Variants in LMAN1 observed in about 807,000 individuals in gnomAD.
The protein encoded by LMAN1 is protein ERGIC-53.
LMAN1 carries 32 observed loss-of-function variants against 67.8 expected under a neutral mutation model. The observed-to-expected ratio is 0.47, with a 90% CI of 0.36 to 0.63. LMAN1 has a LOEUF of 0.63. LMAN1 is among the 30% of genes least tolerant of loss of function. The pLI is 0.00. For synonymous variants in LMAN1, 235 were observed against 219.3 expected (o/e 1.07, Z -0.63); for missense variants, 632 against 628.2 (o/e 1.01, Z -0.06).
rs35668306 is a variant in LMAN1 at position 59,354,701 on chromosome 18, TG to T, written c.478-122del. Reference sequence around the variant, plus strand: ...TAGGACTCAAAATTTTAAAATAACCTGGCCTTGGCACTCAAGGAATTACTAA... The same window carrying T: ...TAGGACTCAAAATTTTAAAATAACCTGCCTTGGCACTCAAGGAATTACTAA... On this transcript the variant is annotated intron_variant, in intron 3 of 12. Coordinates refer to ENST00000251047, the MANE Select transcript of LMAN1 (RefSeq NM_005570.4). 1.1e-5 allele frequency: 6 copies of T among 562,428 alleles called. No individual in the cohort carries two copies. In the East Asian group the frequency reaches 1.5e-4, roughly 14 times the overall value. The allele number at this position is 562,428 out of a possible 1,614,324, so 34.8% of individuals were successfully genotyped here. A position where few individuals can be genotyped will look rare whatever the true frequency, so the allele number is the denominator to read the frequency against.
At chr18:59,337,894 A>G (rs982667458) in intron 10 of LMAN1, among the ~76,000 whole-genome samples, 29 of 152,200 alleles carry the variant, frequency 1.9e-4, no homozygotes, top group African/African-American at 5.8e-4. Flanking sequence ...CAAGGGTTCT[A>G]TCGGTTGGGA....
At chr18:59,358,490 A>T (rs2144236524) in intron 1 of LMAN1, among the ~76,000 whole-genome samples, 1 of 152,148 alleles carries the variant, frequency 6.6e-6, no homozygotes, top group African/African-American at 2.4e-5. Context: ...CTCTAATACT[A>T]CTATATGCCA....
At position 59,355,318 on chromosome 18, in the gene LMAN1, C is replaced by G; in HGVS notation, c.472G>C (p.Gly158Arg). ...AGTCCTGACAATAAATATACCTTTC[C>G]ATCATTGTCAAAAGAATCAAAAAAT... ...GIFFDSFDND[G>R]KKNNPAIVII... The change falls in exon 3 of 13, where the codon GGA (glycine) becomes CGA (arginine). Residue 158 changes from glycine (G) to arginine (R), a missense_variant. Coordinates refer to ENST00000251047, the MANE Select transcript of LMAN1 (RefSeq NM_005570.4). 1 of 1,606,934 alleles carries G rather than the reference C, an allele frequency of 6.2e-7. No individual in the cohort carries two copies. The highest frequency in any genetic ancestry group is 8.5e-7 in the Non-Finnish European group (1 of 1,174,076).
Position 59,347,501 on chromosome 18 carries a change from G to C in LMAN1, c.822+12C>G. 2.5e-6 allele frequency: 4 copies of C among 1,599,198 alleles called. No individual in the cohort carries two copies. The South Asian group carries it at 4.4e-5, about 18-fold the overall frequency. ...AAACTGATAAAGTTTTTGAAAATATGTGTAAAATTACCGGCTCTTTTCCAG... is the reference window on the plus strand; with the variant it reads ...AAACTGATAAAGTTTTTGAAAATATCTGTAAAATTACCGGCTCTTTTCCAG... On this transcript the variant is annotated intron_variant, in intron 7 of 12. Transcript: ENST00000251047.
Position 59,359,235 on chromosome 18 carries a change from A to C in LMAN1, c.10T>G (p.Ser4Ala), listed in dbSNP as rs948328791. The C allele has an allele frequency of 1.9e-6, 3 of 1,613,570 alleles. No homozygotes were observed. Among genetic ancestry groups the C allele is most frequent in the Middle Eastern group, 1.6e-4 (1 of 6,084 alleles). Residue 4 changes from serine to alanine, a missense_variant, in exon 1 of 13, where the codon TCC (serine) becomes GCC (alanine). Physicochemically the swap from Ser to Ala is moderately conservative, Grantham distance 99 (BLOSUM62 1). Transcript: ENST00000251047. ...CTGGCCCGGAGACCCCTTTGCCTGG[A>C]TCCCGCCATCTTGGATTCTGGAACG... The part of the protein sequence containing the change: MAG[S>A]RQRGLRARVR...
At chr18:59,358,989 G>A in intron 1 of LMAN1, 42 bp downstream of exon 1, 3 of 1,585,370 alleles carry the variant, frequency 1.9e-6, no homozygotes, top group South Asian at 1.1e-5. Flanking sequence ...GGCAGCAGAA[G>A]GGGGAGAGGA....
At position 59,359,068 on chromosome 18, in the gene LMAN1, C is replaced by G. The variant is rs760821007; in HGVS notation, c.177G>C (p.Gln59His). Residue 59 changes from glutamine to histidine, a missense_variant, in exon 1 of 13, where the codon CAG becomes CAC. Coordinates refer to ENST00000251047, the MANE Select transcript of LMAN1 (RefSeq NM_005570.4). Reference sequence around the variant, plus strand: ...CCCAGAAGGGCACGGTCCCGTCGCTCTGCACCAGGTGCGGCCCCTTGAAGC... The same window carrying G: ...CCCAGAAGGGCACGGTCCCGTCGCTGTGCACCAGGTGCGGCCCCTTGAAGC... ...KYSFKGPHLV[Q>H]SDGTVPFWAH... 2.7e-5 allele frequency: 43 copies of G among 1,613,982 alleles called. No homozygotes were observed. Among genetic ancestry groups the G allele is most frequent in the Non-Finnish European group, 3.6e-5 (42 of 1,179,994 alleles).
Position 59,331,066 on chromosome 18 carries a change from T to C in LMAN1, c.*27A>G, listed in dbSNP as rs761325294. On this transcript the variant is annotated 3_prime_UTR_variant, in exon 13 of 13. Transcript: ENST00000251047. ...AAAACGACATCATTTTGTACACAAA[T>C]AGATGAAGTACACAGGAAAATGGTA... is the stretch of plus-strand genomic sequence containing the variant. The C allele has an allele frequency of 3.9e-6, 6 of 1,537,880 alleles. 1 individual carries two copies. The highest frequency in any genetic ancestry group is 1.7e-5 in the Admixed American group (1 of 59,784).
In LMAN1 at chr18:59,327,889, T is replaced by C. The variant is rs749933158; in HGVS notation, c.*3204A>G. 3 of 151,798 alleles carry C rather than the reference T, an allele frequency of 2.0e-5. No homozygotes were observed. Among genetic ancestry groups the C allele is most frequent in the Non-Finnish European group, 4.4e-5 (3 of 67,944 alleles). The allele number at this position is 151,798 out of a possible 1,614,324, so 9.4% of individuals were successfully genotyped here. ...TTCTTGAATTCCAGCTAGCATCAAA[T>C]AATCAGGAAAAAAAAAACTTGACAA... On this transcript the variant is annotated 3_prime_UTR_variant, in exon 13 of 13. Transcript: ENST00000251047.
At chr18:59,358,789 G>A (rs1408967941) in intron 1 of LMAN1, among the ~76,000 whole-genome samples, 2 of 152,184 alleles carry the variant, frequency 1.3e-5, no homozygotes, top group Admixed American at 6.5e-5. Flanking sequence ...AAGAAGGGAA[G>A]ACAGCAGGCG....
intron 5 of LMAN1, among the ~76,000 whole-genome samples, chr18:59,350,604 C>G (rs987755712): frequency 1.2e-4 from 18 of 152,168 alleles, no homozygotes; most frequent in African/African-American, 1.7e-4. Context: ...ACGCCATTCT[C>G]CTGCCTCAGC....
intron 6 of LMAN1, among the ~76,000 whole-genome samples, chr18:59,348,226 A>G (rs1908463784): frequency 6.6e-6 from 1 of 152,228 alleles, no homozygotes. Context: ...ACCAATCAAG[A>G]GCAATTAATA....
chr18:59,346,076 A>C (rs760243958), intron 7 of LMAN1, 25 bp from the exon 8 acceptor site: 1 of 1,567,550 alleles, frequency 6.4e-7, no homozygotes, highest in Admixed American at 1.8e-5. Flanking sequence ...TTTGGAATAG[A>C]TCATTAAAAA....
chr18:59,333,449 G>A (rs376629545), intron 10 of LMAN1: 51 of 521,482 alleles, frequency 9.8e-5, no homozygotes, highest in South Asian at 5.0e-4. Flanking sequence ...TTTTACTAAA[G>A]GTCATCTAAA....
intron 8 of LMAN1, among the ~76,000 whole-genome samples, chr18:59,340,143 T>C (rs1311384623): frequency 6.6e-6 from 1 of 152,164 alleles, no homozygotes; most frequent in Non-Finnish European, 1.5e-5. Context: ...GAGAGTTTCA[T>C]GCTGGGCTGT....
chr18:59,338,889 A>G lies in LMAN1; in HGVS notation c.1020T>C (p.Arg340=), dbSNP rs1001080479. ...ELRQVFEGQN[R]IHLEIKQLNR... ...TCAGCTGCTTGATTTCAAGATGAATACGATTCTGTCCTTCAAAGACTTGTC... is the reference window on the plus strand; with the variant it reads ...TCAGCTGCTTGATTTCAAGATGAATGCGATTCTGTCCTTCAAAGACTTGTC... The change falls in exon 9 of 13, where the codon CGT becomes CGC. Residue 340 remains arginine (R), a synonymous_variant. Transcript: ENST00000251047. 1.2e-6 allele frequency: 2 copies of G among 1,613,630 alleles called. No homozygotes were observed. The highest frequency in any genetic ancestry group is 1.7e-6 in the Non-Finnish European group (2 of 1,179,944).
At chr18:59,354,411 G>T (rs1908613222) in intron 4 of LMAN1, 108 bp downstream of exon 4, 3 of 711,636 alleles carry the variant, frequency 4.2e-6, no homozygotes, top group African/African-American at 1.8e-5. Context: ...TCAAGAAAAA[G>T]AACAGTATTT....
At chr18:59,337,125 C>A (rs916269753) in intron 10 of LMAN1, among the ~76,000 whole-genome samples, 1 of 149,470 alleles carries the variant, frequency 6.7e-6, no homozygotes, top group Non-Finnish European at 1.5e-5. Context: ...GTGATCACAG[C>A]CAACATCATC....
At chr18:59,331,562 T>C (rs2070747978) in intron 11 of LMAN1, 23 bp from the exon 12 acceptor site, 3 of 1,611,840 alleles carry the variant, frequency 1.9e-6, no homozygotes, top group Non-Finnish European at 2.5e-6. Flanking sequence ...TGACTTTCTA[T>C]TACAGTTAGT....
Sources: gnomAD v4.1 joint callset for allele counts (sites outside exome capture counted in the v4.1 genomes callset) on GRCh38, gnomAD v4.1.1 for gene constraint, MANE v1.5 for transcripts, NCBI Gene and HGNC (gene_info 2026-07-23, HGNC 2026-07-21) for gene names.